Variants in GOLM1 observed in about 807,000 individuals in gnomAD.
GOLM1 encodes golgi membrane protein 1.
In GOLM1, 31 loss-of-function variants were observed where a neutral mutation model predicts 50.5. The ratio of observed to expected loss-of-function variants is 0.61; its 90% CI spans 0.46 to 0.83. GOLM1 has a LOEUF of 0.83. Ranked by LOEUF, GOLM1 falls within the 40% of genes least tolerant of loss-of-function variation. GOLM1 has a pLI of 0.00. For missense variants in GOLM1, 491 were observed against 501.3 expected (o/e 0.98, Z 0.20); for synonymous variants, 178 against 192.8 (o/e 0.92, Z 0.64).
chr9:86,096,653 A>G (rs1346773750), intron 1 of GOLM1, among the ~76,000 whole-genome samples: 3 of 152,228 alleles, frequency 2.0e-5, no homozygotes, highest in Non-Finnish European at 4.4e-5. Flanking sequence ...ATGCTGATGT[A>G]ATCAGATCTG....
chr9:86,070,278 A>G (rs1294128966), intron 3 of GOLM1, among the ~76,000 whole-genome samples: 1 of 152,174 alleles, frequency 6.6e-6, no homozygotes, highest in Non-Finnish European at 1.5e-5. Flanking sequence ...CTGCTGTTAA[A>G]CATTGATTAT....
At chr9:86,044,310 T>A (rs964605943) in intron 5 of GOLM1, among the ~76,000 whole-genome samples, 1 of 152,228 alleles carries the variant, frequency 6.6e-6, no homozygotes, top group Non-Finnish European at 1.5e-5. Context: ...GCTGCTCATG[T>A]CCTCTACAGA....
At position 86,073,425 on chromosome 9, in the gene GOLM1, A is replaced by G. The variant is rs112140235; in HGVS notation, c.309+3987T>C. On this transcript the variant is annotated intron_variant, in intron 3 of 9. Coordinates refer to ENST00000388712, the MANE Select transcript of GOLM1 (RefSeq NM_016548.4). Reference sequence around the variant, plus strand: ...TGCTCTGAAACAACTTCCATAACAAATAAGATCAAAACCCCAAGCTGGGGT... The same window carrying G: ...TGCTCTGAAACAACTTCCATAACAAGTAAGATCAAAACCCCAAGCTGGGGT... Among the ~76,000 whole-genome samples the G allele has an allele frequency of 5.9e-5, 9 of 152,334 alleles. No homozygotes were observed. The East Asian group carries it at 7.7e-4, about 13-fold the overall frequency.
chr9:86,040,910 C>A (rs1466637877), intron 5 of GOLM1, 42 bp from the exon 6 acceptor site: 4 of 1,600,004 alleles, frequency 2.5e-6, no homozygotes, highest in Admixed American at 1.7e-5. Context: ...ACGTCTATGA[C>A]TGTGTCTCTG....
intron 3 of GOLM1, among the ~76,000 whole-genome samples, chr9:86,069,551 CAGATT>C (rs1335127377): frequency 6.6e-6 from 1 of 152,186 alleles, no homozygotes; most frequent in Non-Finnish European, 1.5e-5. Context: ...GGATTTGGTT[CAGATT>C]AACGAGACAT....
At chr9:86,041,592 C>T (rs1010296803) in intron 5 of GOLM1, among the ~76,000 whole-genome samples, 2 of 152,228 alleles carry the variant, frequency 1.3e-5, no homozygotes, top group African/African-American at 4.8e-5. Context: ...TAGGACTCTA[C>T]CACTGGGCTG....
At chr9:86,034,999 T>G in intron 8 of GOLM1, 1 of 985,108 alleles carries the variant, frequency 1.0e-6, no homozygotes, top group African/African-American at 1.7e-5. Flanking sequence ...CACTAGGCAC[T>G]GATTGTCTAA....
chr9:86,062,336 C>T (rs544111354), intron 3 of GOLM1, among the ~76,000 whole-genome samples: 8 of 152,140 alleles, frequency 5.3e-5, no homozygotes, highest in East Asian at 2.0e-4. Flanking sequence ...CTGGCTCACA[C>T]CCTCCCCCAG....
chr9:86,084,688 A>G (rs1384215035), intron 1 of GOLM1, among the ~76,000 whole-genome samples: 2 of 152,210 alleles, frequency 1.3e-5, no homozygotes, highest in African/African-American at 4.8e-5. Context: ...ACCATATCCA[A>G]AACAGGTCCA....
intron 3 of GOLM1, among the ~76,000 whole-genome samples, chr9:86,053,914 G>A (rs145668988): frequency 1.6e-3 from 244 of 151,592 alleles, no homozygotes; most frequent in Non-Finnish European, 2.8e-3. Flanking sequence ...ACCAGCCCAG[G>A]TCTCCCTGCC....
chr9:86,029,097 TCCGC>T (rs770189171), intron 9 of GOLM1, among the ~76,000 whole-genome samples: 2 of 152,098 alleles, frequency 1.3e-5, no homozygotes, highest in Non-Finnish European at 2.9e-5. Flanking sequence ...GACCTCGTGA[TCCGC>T]CCGCCTTGGC....
At chr9:86,047,063 T>TC (rs1833570758) in intron 4 of GOLM1, among the ~76,000 whole-genome samples, 1 of 152,140 alleles carries the variant, frequency 6.6e-6, no homozygotes, top group South Asian at 2.1e-4. Flanking sequence ...GCCAGCATCC[T>TC]CCCTCGTCAT....
At chr9:86,088,427 T>C (rs1170903231) in intron 1 of GOLM1, among the ~76,000 whole-genome samples, 1 of 102,180 alleles carries the variant, frequency 9.8e-6, no homozygotes, top group Non-Finnish European at 1.9e-5. Flanking sequence ...GGTGTATATA[T>C]ATATATATAT....
chr9:86,045,860 G>A (rs1028428845), intron 5 of GOLM1, among the ~76,000 whole-genome samples: 4 of 152,032 alleles, frequency 2.6e-5, no homozygotes, highest in Non-Finnish European at 4.4e-5. Flanking sequence ...TGGGTGGTTG[G>A]TTCTCTCTGA....
chr9:86,060,123 C>T (rs901411487), intron 3 of GOLM1, among the ~76,000 whole-genome samples: 20 of 152,116 alleles, frequency 1.3e-4, no homozygotes, highest in Non-Finnish European at 1.8e-4. Flanking sequence ...ATGTATTCCA[C>T]ATAAAAATTA....
At position 86,077,350 on chromosome 9, in the gene GOLM1, A is replaced by G; in HGVS notation, c.309+62T>C. 10 of 1,347,512 alleles carry G rather than the reference A, an allele frequency of 7.4e-6. No homozygotes were observed. In the South Asian group the frequency reaches 1.2e-4, roughly 16 times the overall value. The allele number at this position is 1,347,512 out of a possible 1,614,324, so 83.5% of individuals were successfully genotyped here. ...GCTTGCTCATCCTCCCGCCAAGAAG[A>G]AACAGACAATGTAGACACCATCCCT... On this transcript the variant is annotated intron_variant, in intron 3 of 9. Transcript: ENST00000388712.
intron 3 of GOLM1, among the ~76,000 whole-genome samples, chr9:86,076,421 C>CAAAAAAAAAA (rs58193076): frequency 8.6e-5 from 2 of 23,334 alleles, no homozygotes; most frequent in South Asian, 2.9e-3. Flanking sequence ...AACCCCATCT[C>CAAAAAAAAAA]AAAAAAAAAA....
intron 3 of GOLM1, among the ~76,000 whole-genome samples, chr9:86,065,769 C>T (rs111297793): frequency 1.4e-4 from 21 of 152,208 alleles, no homozygotes; most frequent in Non-Finnish European, 2.4e-4. Context: ...GGGCTGGGTG[C>T]GGTGGCACAC....
intron 9 of GOLM1, among the ~76,000 whole-genome samples, chr9:86,030,241 A>AAAAGTT (rs1480865237): frequency 7.3e-5 from 11 of 150,232 alleles, no homozygotes; most frequent in African/African-American, 2.0e-4. Context: ...AAAAAAAAAA[A>AAAAGTT]AGAATAGAAG....
Sources: gnomAD v4.1 joint callset for allele counts (sites outside exome capture counted in the v4.1 genomes callset) on GRCh38, gnomAD v4.1.1 for gene constraint, MANE v1.5 for transcripts, NCBI Gene and HGNC (gene_info 2026-07-23, HGNC 2026-07-21) for gene names.